Variants in PRDX4 observed in about 807,000 individuals in gnomAD.
The protein encoded by PRDX4 is peroxiredoxin-4.
PRDX4 carries 12 observed loss-of-function variants against 20.5 expected under a neutral mutation model. The observed-to-expected ratio is 0.58, with a 90% CI of 0.37 to 0.95. The LOEUF is 0.95. Ranked by LOEUF, PRDX4 falls within the 40% of genes least tolerant of loss-of-function variation. The pLI is 0.01. For synonymous variants in PRDX4, 99 were observed against 87.5 expected (o/e 1.13, Z -0.73); for missense variants, 180 against 207.3 (o/e 0.87, Z 0.81).
intron 2 of PRDX4, 124 bp downstream of exon 2, chrX:23,671,770 T>C: frequency 2.1e-6 from 1 of 480,517 alleles, no homozygotes; most frequent in Non-Finnish European, 3.4e-6. Context: ...TAAAGAAATG[T>C]ATTTAAAAAG....
At chrX:23,681,236 A>T (rs955705697) in intron 4 of PRDX4, among the ~76,000 whole-genome samples, 8 of 111,929 alleles carry the variant, frequency 7.1e-5, no homozygotes, top group African/African-American at 1.9e-4. Context: ...GTCTCAAAAA[A>T]AAATAAATAA....
At position 23,678,401 on chromosome X, in the gene PRDX4, G is replaced by A. The variant is rs991399377; in HGVS notation, c.477-764G>A. 9.0e-5 allele frequency among the ~76,000 whole-genome samples: 10 copies of A among 110,770 alleles called. 1 individual carries two copies. The highest frequency in any genetic ancestry group is 8.7e-4 in the Admixed American group (9 of 10,393). On this transcript the variant is annotated intron_variant, in intron 3 of 6. Coordinates refer to ENST00000379341, the MANE Select transcript of PRDX4 (RefSeq NM_006406.2). ...TCCCAGTACTTTGGGAGGCCAAGCC[G>A]GGTGGATCACCTGAGGTCAGGAGTT...
intron 5 of PRDX4, among the ~76,000 whole-genome samples, chrX:23,682,757 G>A (rs1258211599): frequency 1.1e-5 from 1 of 91,684 alleles, no homozygotes; most frequent in Admixed American, 1.3e-4. Flanking sequence ...AAGGTAGGAG[G>A]ATTGCTTGAG....
At chrX:23,676,301 A>G (rs1447665237) in intron 3 of PRDX4, among the ~76,000 whole-genome samples, 3 of 111,433 alleles carry the variant, frequency 2.7e-5, no homozygotes, top group Admixed American at 9.6e-5. Context: ...AATTTAATTA[A>G]TTACATTTCC....
intron 3 of PRDX4, among the ~76,000 whole-genome samples, chrX:23,678,914 G>A (rs772882869): frequency 4.7e-4 from 52 of 111,670 alleles, no homozygotes; most frequent in Non-Finnish European, 3.8e-4. Flanking sequence ...CCTGCAGCCT[G>A]GGAGACAGAG....
At chrX:23,679,359 T>C in intron 4 of PRDX4, 72 bp downstream of exon 4, 1 of 1,038,427 alleles carries the variant, frequency 9.6e-7, no homozygotes. Context: ...AGATGTTATT[T>C]ATGAAATAGA....
At chrX:23,679,578 C>T (rs184356525) in intron 4 of PRDX4, among the ~76,000 whole-genome samples, 97 of 108,215 alleles carry the variant, frequency 9.0e-4, no homozygotes, top group African/African-American at 2.7e-3. Context: ...CCCAGCTACT[C>T]GGGAGGCTGA....
chrX:23,671,569 C>T lies in PRDX4; in HGVS notation c.282C>T (p.Ile94=), dbSNP rs1468501923. Residue 94 remains isoleucine (I), a synonymous_variant, in exon 2 of 7, where the codon ATC becomes ATT. Transcript: ENST00000379341. ...CCTACTGGGAAGGAACAGCTGTGAT[C>T]GATGGAGAATTTAAGGAGCTGAAGT... ...PAPYWEGTAV[I]DGEFKELKLT... is the part of the protein sequence containing the mutation. The T allele has an allele frequency of 8.3e-7, 1 of 1,205,352 alleles. No homozygotes were observed. Among genetic ancestry groups the T allele is most frequent in the Admixed American group, 2.2e-5 (1 of 44,685 alleles).
Position 23,675,254 on chromosome X carries a change from C to T in PRDX4, c.476+148C>T. On this transcript the variant is annotated intron_variant, in intron 3 of 6. Coordinates refer to ENST00000379341, the MANE Select transcript of PRDX4 (RefSeq NM_006406.2). ...TATCTAAGAGTAATACATGTAACTA[C>T]ACATTTTCCAGGTTAAAAAAAGAGA... 4 of 1,039,251 alleles carry T rather than the reference C, an allele frequency of 3.8e-6. No homozygotes were observed. In the South Asian group the frequency reaches 8.2e-5, roughly 21 times the overall value. 85.6% of individuals were successfully genotyped at this position (1,039,251 alleles called of 1,213,427 possible). A position where few individuals can be genotyped will look rare whatever the true frequency, so the allele number is the denominator to read the frequency against.
chrX:23,672,122 G>A (rs780096928), intron 2 of PRDX4, among the ~76,000 whole-genome samples: 3 of 111,455 alleles, frequency 2.7e-5, no homozygotes, highest in Non-Finnish European at 5.7e-5. Context: ...TTAGCTGGGC[G>A]TGGTGGTACG....
chrX:23,674,894 TTTA>T (rs1601790341), intron 2 of PRDX4, 93 bp from the exon 3 acceptor site: 1 of 1,073,926 alleles, frequency 9.3e-7, no homozygotes, highest in East Asian at 3.1e-5. Context: ...AATGTGCATT[TTTA>T]TTATTAAAGG....
chrX:23,683,052 C>T (rs998324514), intron 5 of PRDX4, among the ~76,000 whole-genome samples: 3 of 108,244 alleles, frequency 2.8e-5, no homozygotes, highest in Non-Finnish European at 3.8e-5. Flanking sequence ...TCATTTGCCT[C>T]TTTGCATTAT....
At position 23,675,041 on chromosome X, in the gene PRDX4, A is replaced by T; in HGVS notation, c.411A>T (p.Glu137Asp). 8.3e-7 allele frequency: 1 copy of T among 1,211,630 alleles called. No individual in the cohort carries two copies. The highest frequency in any genetic ancestry group is 1.8e-5 in the South Asian group (1 of 56,977). ...EIIAFGDRLE[E>D]FRSINTEVVA... ...TCGCTTTTGGCGACAGACTTGAAGA[A>T]TTCAGATCTATAAATACTGAAGTGG... The change falls in exon 3 of 7, where the codon GAA becomes GAT. Residue 137 changes from glutamate to aspartate, a missense_variant. Coordinates refer to ENST00000379341, the MANE Select transcript of PRDX4 (RefSeq NM_006406.2).
chrX:23,673,456 A>C (rs889315880), intron 2 of PRDX4, among the ~76,000 whole-genome samples: 12 of 112,694 alleles, frequency 1.1e-4, no homozygotes, highest in Admixed American at 2.8e-4. Context: ...TCCTTGAAAT[A>C]AGAAGAAAGG....
intron 5 of PRDX4, among the ~76,000 whole-genome samples, chrX:23,682,853 A>AATATATAT (rs1173209030): frequency 0.021 from 307 of 14,869 alleles, 2 homozygotes; most frequent in Middle Eastern, 0.088. Context: ...AAAAAAAAAA[A>AATATATAT]ATATATATAT....
chrX:23,681,946 C>T lies in PRDX4; in HGVS notation c.600-450C>T, dbSNP rs191943719. Among the ~76,000 whole-genome samples the T allele has an allele frequency of 3.0e-3, 337 of 111,597 alleles. 2 individuals are homozygous for T. Among genetic ancestry groups the T allele is most frequent in the African/African-American group, 9.8e-3 (303 of 30,774 alleles). On this transcript the variant is annotated intron_variant, in intron 4 of 6. Transcript: ENST00000379341. Reference sequence around the variant, plus strand: ...GTCCCAGCTACTCAGTAGGCTGTGGCGAGAGGATCACTTGAGCCCAAGAGG... The same window carrying T: ...GTCCCAGCTACTCAGTAGGCTGTGGTGAGAGGATCACTTGAGCCCAAGAGG...
chrX:23,669,606 G>A (rs1272476036), intron 1 of PRDX4, among the ~76,000 whole-genome samples: 2 of 111,479 alleles, frequency 1.8e-5, no homozygotes, highest in East Asian at 5.6e-4. Context: ...GCAACACGTG[G>A]CAAATTTGTG....
At chrX:23,672,132 G>A (rs1342616749) in intron 2 of PRDX4, among the ~76,000 whole-genome samples, 20 of 111,410 alleles carry the variant, frequency 1.8e-4, no homozygotes, top group African/African-American at 6.2e-4. Context: ...GTGGTGGTAC[G>A]CGCCTGTAGT....
chrX:23,679,673 G>GA lies in PRDX4; in HGVS notation c.599+400dup, dbSNP rs776137241. Among the ~76,000 whole-genome samples, 156 of 69,386 alleles carry GA rather than the reference G, an allele frequency of 2.2e-3. 1 individual carries two copies. Among genetic ancestry groups the GA allele is most frequent in the Middle Eastern group, 0.031 (2 of 65 alleles). 60.3% of individuals were successfully genotyped at this position (69,386 alleles called of 115,157 possible). On this transcript the variant is annotated intron_variant, in intron 4 of 6. Coordinates refer to ENST00000379341, the MANE Select transcript of PRDX4 (RefSeq NM_006406.2). ...TGCACTCCAGCCTGGGCGACAGAGT[G>GA]AAAAAAAAAAAAAAGAAATAATTGG...
Sources: allele counts gnomAD v4.1 joint callset (sites outside exome capture counted in the v4.1 genomes callset), GRCh38; gene constraint gnomAD v4.1.1; transcripts MANE v1.5; gene names NCBI Gene and HGNC (gene_info 2026-07-23, HGNC 2026-07-21).